TENM3: variants seen among roughly 807,000 people sequenced by gnomAD.
TENM3 encodes teneurin transmembrane protein 3.
A neutral mutation model predicts 255.1 loss-of-function variants in TENM3; 63 were observed. The ratio of observed to expected loss-of-function variants is 0.25; its 90% CI spans 0.20 to 0.30. TENM3 has a LOEUF of 0.30. TENM3 is among the 10% of genes least tolerant of loss of function. The pLI, the probability that TENM3 is intolerant of heterozygous loss-of-function variation, is 1.00. For synonymous variants in TENM3, 1,306 were observed against 1,322.3 expected (o/e 0.99, Z 0.27); for missense variants, 2,929 against 3,461.1 (o/e 0.85, Z 3.86).
the TENM3 span, among the ~76,000 whole-genome samples, chr4:181,794,041 C>G: frequency 6.6e-6 from 1 of 152,150 alleles, no homozygotes; most frequent in Non-Finnish European, 1.5e-5. Context: ...AAACAAGCAT[C>G]AAAAACAAGC....
the TENM3 span, among the ~76,000 whole-genome samples, chr4:181,542,636 T>C: frequency 6.6e-6 from 1 of 152,164 alleles, no homozygotes; most frequent in South Asian, 2.1e-4. Flanking sequence ...GAATGAAGGA[T>C]AACTTCTAGG....
intron 22 of TENM3, among the ~76,000 whole-genome samples, chr4:182,767,782 G>C: frequency 6.6e-6 from 1 of 152,192 alleles, no homozygotes; most frequent in East Asian, 1.9e-4. Flanking sequence ...AAGCAGGCTA[G>C]CTCTGGGATG....
At chr4:182,679,488 G>A (rs548311807) in intron 7 of TENM3, among the ~76,000 whole-genome samples, 178 bp from the exon 8 acceptor site, 2 of 152,250 alleles carry the variant, frequency 1.3e-5, no homozygotes, top group African/African-American at 4.8e-5. Context: ...GTGGCGAATA[G>A]TTTGCGTCCT....
intron 1 of TENM3, chr4:182,169,323 A>G: frequency 2.1e-6 from 1 of 478,936 alleles, no homozygotes; most frequent in Non-Finnish European, 4.4e-6. Flanking sequence ...ATTAGTTTTG[A>G]ATGTTTATTG....
chr4:181,629,904 A>G, the TENM3 span, among the ~76,000 whole-genome samples: 1 of 152,156 alleles, frequency 6.6e-6, no homozygotes, highest in East Asian at 1.9e-4. Context: ...ATAGTTTCAG[A>G]AGGAATGGTA....
the TENM3 span, among the ~76,000 whole-genome samples, chr4:181,568,162 C>CT: frequency 0.011 from 1,462 of 128,006 alleles, 16 homozygotes; most frequent in Middle Eastern, 0.029. Context: ...CCAACTAATA[C>CT]TTTTTTTTTT....
chr4:182,335,608 G>A (rs563017168), intron 2 of TENM3, among the ~76,000 whole-genome samples: 5 of 151,524 alleles, frequency 3.3e-5, no homozygotes, highest in South Asian at 4.2e-4. Flanking sequence ...CGATCCCAGG[G>A]ACTCAATAGT....
intron 3 of TENM3, among the ~76,000 whole-genome samples, chr4:182,501,070 A>T (rs1423759842): frequency 6.6e-6 from 1 of 152,126 alleles, no homozygotes; most frequent in Non-Finnish European, 1.5e-5. Context: ...TGTATGTACA[A>T]AGTGAGGAGA....
At chr4:181,761,639 T>A in the TENM3 span, among the ~76,000 whole-genome samples, 1 of 152,180 alleles carries the variant, frequency 6.6e-6, no homozygotes. Flanking sequence ...TTATGTACCA[T>A]ATTATAGTTA....
the TENM3 span, among the ~76,000 whole-genome samples, chr4:182,092,698 T>A: frequency 6.6e-6 from 1 of 152,230 alleles, no homozygotes; most frequent in East Asian, 1.9e-4. Flanking sequence ...TAAGCTGGCA[T>A]CTTCCATTAG....
At chr4:182,453,912 C>A (rs986244168) in intron 3 of TENM3, among the ~76,000 whole-genome samples, 1 of 152,124 alleles carries the variant, frequency 6.6e-6, no homozygotes, top group African/African-American at 2.4e-5. Context: ...TTTCATTTTA[C>A]CTTCTGCTTC....
chr4:181,524,660 C>G, the TENM3 span, among the ~76,000 whole-genome samples: 7 of 152,086 alleles, frequency 4.6e-5, no homozygotes, highest in Non-Finnish European at 7.4e-5. Flanking sequence ...AAGAGCATCC[C>G]TTGGTTAGTG....
the TENM3 span, among the ~76,000 whole-genome samples, chr4:181,674,800 C>T: frequency 6.6e-6 from 1 of 152,060 alleles, no homozygotes; most frequent in African/African-American, 2.4e-5. Context: ...AAATGTCTTG[C>T]TTTTTTTAAA....
intron 9 of TENM3, 70 bp from the exon 10 acceptor site, chr4:182,680,473 A>ATGTGTCT: frequency 6.4e-7 from 1 of 1,556,808 alleles, no homozygotes; most frequent in Non-Finnish European, 8.8e-7. Flanking sequence ...TGTTCCAGCG[A>ATGTGTCT]TGTGTCTTTT....
At chr4:181,923,665 T>C in the TENM3 span, among the ~76,000 whole-genome samples, 1 of 152,066 alleles carries the variant, frequency 6.6e-6, no homozygotes, top group African/African-American at 2.4e-5. Flanking sequence ...TGAAAGTTAA[T>C]TGGATAAGAA....
chr4:182,608,823 G>A (rs1748687431), intron 4 of TENM3, among the ~76,000 whole-genome samples: 2 of 152,174 alleles, frequency 1.3e-5, no homozygotes, highest in African/African-American at 4.8e-5. Flanking sequence ...GGCCCCGGGT[G>A]CTCTGCGGAC....
At chr4:182,523,657 C>T (rs574790179) in intron 3 of TENM3, among the ~76,000 whole-genome samples, 1 of 152,190 alleles carries the variant, frequency 6.6e-6, no homozygotes, top group East Asian at 1.9e-4. Flanking sequence ...AGAAGAAGCT[C>T]TGGGCAATTT....
At chr4:182,172,732 G>T (rs1358790762) in intron 1 of TENM3, among the ~76,000 whole-genome samples, 1 of 152,014 alleles carries the variant, frequency 6.6e-6, no homozygotes, top group East Asian at 1.9e-4. Context: ...TATATGCAAA[G>T]ACCATGTTAA....
At chr4:182,419,446 G>A (rs1007221228) in intron 3 of TENM3, among the ~76,000 whole-genome samples, 1 of 152,188 alleles carries the variant, frequency 6.6e-6, no homozygotes, top group Non-Finnish European at 1.5e-5. Context: ...TTCAACCATT[G>A]TGGAAGTCAG....
Sources: allele counts gnomAD v4.1 joint callset (sites outside exome capture counted in the v4.1 genomes callset), GRCh38; gene constraint gnomAD v4.1.1; transcripts MANE v1.5; gene names NCBI Gene and HGNC (gene_info 2026-07-23, HGNC 2026-07-21).